CELF5: variants seen among roughly 807,000 people sequenced by gnomAD.
CELF5 encodes CUG-BP and ETR-3 like factor 5.
In CELF5, 6 loss-of-function variants were observed where a neutral mutation model predicts 54.9. That is an observed-to-expected ratio of 0.11 (90% CI 0.06 to 0.22). The LOEUF (loss-of-function observed/expected upper bound fraction) is 0.22. Among genes scored for constraint, CELF5 ranks in the 10% least tolerant of loss-of-function variants. The pLI, the probability that CELF5 is intolerant of heterozygous loss-of-function variation, is 1.00. For missense variants in CELF5, 401 were observed against 678.6 expected (o/e 0.59, Z 4.54); for synonymous variants, 271 against 290.9 (o/e 0.93, Z 0.70).
At chr19:3,250,878 T>C (rs2079638371) in intron 1 of CELF5, 107 bp from the exon 2 acceptor site, 2 of 620,258 alleles carry the variant, frequency 3.2e-6, no homozygotes. Context: ...TATGCATCTG[T>C]GGATGGAAGC....
chr19:3,253,825 C>G (rs1336562402), intron 2 of CELF5, among the ~76,000 whole-genome samples: 2 of 152,130 alleles, frequency 1.3e-5, no homozygotes, highest in Non-Finnish European at 2.9e-5. Context: ...GGGGGAAGCT[C>G]TGGTCCTTCT....
At chr19:3,236,050 G>A (rs796528213) in intron 1 of CELF5, among the ~76,000 whole-genome samples, 1 of 152,150 alleles carries the variant, frequency 6.6e-6, no homozygotes, top group South Asian at 2.1e-4. Context: ...GTGGAGAGGA[G>A]CAGGCAGCAT....
At chr19:3,291,106 CA>C (rs141093284) in intron 11 of CELF5, among the ~76,000 whole-genome samples, 1,760 of 148,300 alleles carry the variant, frequency 0.012, 29 homozygotes, top group African/African-American at 0.04. Context: ...ACAAAAAATA[CA>C]AAAAAAAAAT....
At chr19:3,261,902 A>AT (rs1258142762) in intron 2 of CELF5, among the ~76,000 whole-genome samples, 4 of 152,204 alleles carry the variant, frequency 2.6e-5, no homozygotes, top group African/African-American at 7.2e-5. Context: ...AACACTATCC[A>AT]TGGAACATTT....
intron 2 of CELF5, among the ~76,000 whole-genome samples, chr19:3,256,386 C>T (rs547627305): frequency 6.6e-6 from 1 of 152,180 alleles, no homozygotes; most frequent in Admixed American, 6.5e-5. Flanking sequence ...GTCCTCCAAA[C>T]CCCTTTGTTC....
intron 1 of CELF5, among the ~76,000 whole-genome samples, chr19:3,245,502 G>T (rs78636936): frequency 0.076 from 11,472 of 150,304 alleles, 1,066 homozygotes; most frequent in East Asian, 0.45. Context: ...GTTGCTCAGG[G>T]CACCTACCCA....
At chr19:3,285,853 T>C in intron 9 of CELF5, 89 bp from the exon 10 acceptor site, 1 of 676,962 alleles carries the variant, frequency 1.5e-6, no homozygotes, top group Non-Finnish European at 2.2e-6. Flanking sequence ...CACCCTCTTA[T>C]GGCCCCGCCC....
chr19:3,285,037 C>A, intron 9 of CELF5, 73 bp downstream of exon 9: 3 of 1,217,140 alleles, frequency 2.5e-6, no homozygotes, highest in Non-Finnish European at 2.3e-6. Flanking sequence ...CCAGGGCCCG[C>A]CCCGGACGTG....
rs2144945349 is a variant in CELF5 at position 3,224,705 on chromosome 19, G to C, written c.-35G>C. 1 of 970,314 alleles carries C rather than the reference G, an allele frequency of 1.0e-6. No homozygotes were observed. Among genetic ancestry groups the C allele is most frequent in the Non-Finnish European group, 1.2e-6 (1 of 810,792 alleles). The allele number at this position is 970,314 out of a possible 1,614,324, so 60.1% of individuals were successfully genotyped here. A position where few individuals can be genotyped will look rare whatever the true frequency, so the allele number is the denominator to read the frequency against. On this transcript the variant is annotated 5_prime_UTR_variant, in exon 1 of 13. Transcript: ENST00000292672. ...CCAGCTGCGAGTCCGCCCGCCGCCC[G>C]CCGCCGCCGCCGCCGGCTCGGTCCC...
chr19:3,252,008 G>T (rs971026568), intron 2 of CELF5, among the ~76,000 whole-genome samples: 2 of 151,406 alleles, frequency 1.3e-5, no homozygotes, highest in African/African-American at 2.4e-5. Context: ...ATTTCTGTCT[G>T]CAGAGGAGGC....
In CELF5 at chr19:3,244,529, G is replaced by A. The variant is rs111211863; in HGVS notation, c.260-6456G>A. Among the ~76,000 whole-genome samples the A allele has an allele frequency of 5.3e-3, 789 of 148,782 alleles. 4 individuals carry two copies. The highest frequency in any genetic ancestry group is 0.028 in the Middle Eastern group (8 of 284). ...TGTGGTGTGCATGCGTCTTGTCTGC[G>A]TGTGTGTGTAGTGTGTTTTGCATGC... is the stretch of plus-strand genomic sequence containing the variant. On this transcript the variant is annotated intron_variant, in intron 1 of 12. Coordinates refer to ENST00000292672, the MANE Select transcript of CELF5 (RefSeq NM_021938.4).
At chr19:3,286,330 A>G in intron 10 of CELF5, 1 of 377,226 alleles carries the variant, frequency 2.7e-6, no homozygotes, top group Non-Finnish European at 4.8e-6. Flanking sequence ...ACCCTTTTTG[A>G]GGCTGGGGCA....
At chr19:3,267,075 G>A (rs943529872) in intron 2 of CELF5, among the ~76,000 whole-genome samples, 19 of 142,788 alleles carry the variant, frequency 1.3e-4, no homozygotes, top group African/African-American at 4.1e-4. Flanking sequence ...CTGTGTGTGC[G>A]TGTGCGTGTG....
At chr19:3,272,748 G>C (rs1022993784) in intron 2 of CELF5, among the ~76,000 whole-genome samples, 1 of 152,204 alleles carries the variant, frequency 6.6e-6, no homozygotes, top group African/African-American at 2.4e-5. Flanking sequence ...GCCCAGAAGA[G>C]TGGGAAGAGT....
chr19:3,278,934 G>A lies in CELF5; in HGVS notation c.603+824G>A, dbSNP rs1332634118. 1.3e-5 allele frequency among the ~76,000 whole-genome samples: 2 copies of A among 152,190 alleles called. No individual in the cohort carries two copies. Among genetic ancestry groups the A allele is most frequent in the Non-Finnish European group, 2.9e-5 (2 of 68,028 alleles). ...CAGGTAGCCCAGAGGAGCCATAGAA[G>A]ATGGGGCCGCAATGCGAGGCTGAGA... On this transcript the variant is annotated intron_variant, in intron 5 of 12. Transcript: ENST00000292672. The surrounding 1 kb of genome is among the most constrained non-coding windows in gnomAD (Gnocchi z 4.5).
At chr19:3,238,436 G>C (rs1432229961) in intron 1 of CELF5, among the ~76,000 whole-genome samples, 1 of 152,152 alleles carries the variant, frequency 6.6e-6, no homozygotes, top group Non-Finnish European at 1.5e-5. Context: ...ACCACAAACT[G>C]GGGGGCTTGG....
rs200038742 is a variant in CELF5 at position 3,293,304 on chromosome 19, C to T, written c.1331-15C>T. ...CCGCAGCGCCAACCACGGAGGTCCA[C>T]CCTGGTTTCTGCAGGCTTCGTGAGC... is the stretch of plus-strand genomic sequence containing the variant. On this transcript the variant is annotated splice_polypyrimidine_tract_variant and intron_variant, in intron 11 of 12. Transcript: ENST00000292672. 3.4e-3 allele frequency: 5,425 copies of T among 1,613,950 alleles called. 18 individuals carry two copies. Among genetic ancestry groups the T allele is most frequent in the Non-Finnish European group, 4.0e-3 (4,689 of 1,179,898 alleles).
At chr19:3,251,672 T>G (rs58754135) in intron 2 of CELF5, among the ~76,000 whole-genome samples, 2,101 of 121,346 alleles carry the variant, frequency 0.017, 81 homozygotes, top group African/African-American at 0.058. Context: ...TTTTTTTTTT[T>G]TTGTTGTTGT....
chr19:3,286,607 C>G (rs1872259097), intron 10 of CELF5: 1 of 152,050 alleles, frequency 6.6e-6, no homozygotes, highest in African/African-American at 2.4e-5. Context: ...GTGGTGTGCA[C>G]CTGTAGTCCC....
Sources: gnomAD v4.1 joint callset for allele counts (sites outside exome capture counted in the v4.1 genomes callset) on GRCh38, gnomAD v4.1.1 for gene constraint, Gnocchi (gnomAD v3.1) non-coding constraint, MANE v1.5 for transcripts, NCBI Gene and HGNC (gene_info 2026-07-23, HGNC 2026-07-21) for gene names.